Variants in HHAT observed in about 807,000 individuals in gnomAD.
HHAT encodes the protein protein-cysteine N-palmitoyltransferase HHAT.
HHAT carries 47 observed loss-of-function variants against 70.8 expected under a neutral mutation model. The ratio of observed to expected loss-of-function variants is 0.66; its 90% confidence interval spans 0.53 to 0.85. HHAT has a LOEUF of 0.85. Ranked by LOEUF, HHAT falls within the 40% of genes least tolerant of loss-of-function variation. The pLI, the probability that HHAT is intolerant of heterozygous loss-of-function variation, is 0.00. For missense variants in HHAT, 609 were observed against 604.8 expected (o/e 1.01, Z -0.07); for synonymous variants, 228 against 247.6 (o/e 0.92, Z 0.74).
chr1:210,489,607 C>T (rs2094521557), intron 8 of HHAT, among the ~76,000 whole-genome samples: 1 of 152,176 alleles, frequency 6.6e-6, no homozygotes, highest in Non-Finnish European at 1.5e-5. Context: ...GTCATGTTCT[C>T]TTCCTATTCT....
At chr1:210,473,433 T>A (rs901051017) in intron 8 of HHAT, among the ~76,000 whole-genome samples, 6 of 151,742 alleles carry the variant, frequency 4.0e-5, no homozygotes, top group Non-Finnish European at 8.8e-5. Context: ...AGAGGAGGGG[T>A]CCATTCAGTT....
At chr1:210,617,995 G>A (rs73063627) in intron 10 of HHAT, among the ~76,000 whole-genome samples, 25 of 152,314 alleles carry the variant, frequency 1.6e-4, no homozygotes, top group African/African-American at 5.8e-4. Context: ...GCTAATCATT[G>A]AGCACACATA....
chr1:210,349,192 C>A, intron 2 of HHAT, 126 bp downstream of exon 2: 1 of 1,003,592 alleles, frequency 1.0e-6, no homozygotes, highest in Admixed American at 2.6e-5. Context: ...TGATTTGCTT[C>A]CCCATGTCTT....
intron 7 of HHAT, among the ~76,000 whole-genome samples, chr1:210,440,602 TC>T (rs1301599517): frequency 2.0e-5 from 3 of 151,842 alleles, no homozygotes; most frequent in African/African-American, 7.3e-5. Flanking sequence ...GGGCAGTGCA[TC>T]CTAGTATTCC....
intron 8 of HHAT, among the ~76,000 whole-genome samples, chr1:210,501,792 C>T (rs1572876723): frequency 6.6e-6 from 1 of 152,156 alleles, no homozygotes. Flanking sequence ...CAGGCCAGTG[C>T]TTAGAAGGAA....
At chr1:210,410,057 A>T (rs1558459899) in intron 6 of HHAT, among the ~76,000 whole-genome samples, 1 of 145,732 alleles carries the variant, frequency 6.9e-6, no homozygotes, top group Admixed American at 6.9e-5. Flanking sequence ...CAAATTTTGG[A>T]TTTTTTTTTT....
At chr1:210,535,764 G>A (rs1423232585) in intron 9 of HHAT, among the ~76,000 whole-genome samples, 1 of 152,050 alleles carries the variant, frequency 6.6e-6, no homozygotes, top group African/African-American at 2.4e-5. Context: ...TTTGGAGGTG[G>A]GGAAGACTCT....
chr1:210,457,669 TG>T (rs1305940580), intron 7 of HHAT, among the ~76,000 whole-genome samples: 6 of 152,312 alleles, frequency 3.9e-5, no homozygotes, highest in African/African-American at 9.6e-5. Flanking sequence ...TGGCAAACGC[TG>T]GCACAAGACA....
chr1:210,349,232 T>C (rs1046087452), intron 2 of HHAT, among the ~76,000 whole-genome samples, 166 bp downstream of exon 2: 6 of 152,308 alleles, frequency 3.9e-5, no homozygotes, highest in South Asian at 2.1e-4. Flanking sequence ...CCTGAGTCCA[T>C]TGAGTTTTCT....
At chr1:210,568,815 A>G (rs752225453) in intron 9 of HHAT, among the ~76,000 whole-genome samples, 2 of 152,154 alleles carry the variant, frequency 1.3e-5, no homozygotes, top group African/African-American at 2.4e-5. Context: ...AGCATGAATC[A>G]GCTTTATTTT....
chr1:210,393,308 C>G (rs568644418), intron 4 of HHAT, among the ~76,000 whole-genome samples: 1 of 152,270 alleles, frequency 6.6e-6, no homozygotes, highest in South Asian at 2.1e-4. Flanking sequence ...TCTTGAGATT[C>G]CAAAATCCTC....
At chr1:210,629,082 A>T (rs747880073) in intron 11 of HHAT, among the ~76,000 whole-genome samples, 1 of 152,212 alleles carries the variant, frequency 6.6e-6, no homozygotes, top group Non-Finnish European at 1.5e-5. Flanking sequence ...CCTGTGCATC[A>T]TACCTAAGGG....
chr1:210,329,128 G>A, intron 1 of HHAT, 24 bp downstream of exon 1: 3 of 1,324,162 alleles, frequency 2.3e-6, no homozygotes, highest in Non-Finnish European at 2.9e-6. Flanking sequence ...GACCATAGGG[G>A]GTCCTGGGGA....
At chr1:210,620,428 T>C (rs1399419536) in intron 10 of HHAT, among the ~76,000 whole-genome samples, 1 of 152,298 alleles carries the variant, frequency 6.6e-6, no homozygotes, top group Non-Finnish European at 1.5e-5. Context: ...TCCCCTTTGC[T>C]GTTAGTTATT....
At chr1:210,337,884 G>A (rs550117318) in intron 1 of HHAT, among the ~76,000 whole-genome samples, 1 of 152,306 alleles carries the variant, frequency 6.6e-6, no homozygotes, top group East Asian at 1.9e-4. Flanking sequence ...ACACTTCCTG[G>A]TTGTCAGTAG....
chr1:210,518,603 G>A (rs895549633), intron 9 of HHAT, among the ~76,000 whole-genome samples: 1 of 152,178 alleles, frequency 6.6e-6, no homozygotes, highest in African/African-American at 2.4e-5. Flanking sequence ...GACCAGCCTG[G>A]CCAACATGGC....
At chr1:210,377,668 C>A (rs775460970) in intron 3 of HHAT, among the ~76,000 whole-genome samples, 23 of 152,212 alleles carry the variant, frequency 1.5e-4, no homozygotes, top group Non-Finnish European at 2.5e-4. Context: ...AAATAACTTA[C>A]CCATGTTAAT....
chr1:210,402,384 G>GT (rs2092120990), intron 5 of HHAT, among the ~76,000 whole-genome samples: 3 of 152,162 alleles, frequency 2.0e-5, no homozygotes, highest in South Asian at 4.1e-4. Context: ...GGCAGGAGCT[G>GT]TTTTTTTGAG....
At chr1:210,519,765 C>T (rs950965371) in intron 9 of HHAT, among the ~76,000 whole-genome samples, 5 of 150,550 alleles carry the variant, frequency 3.3e-5, no homozygotes, top group African/African-American at 4.9e-5. Context: ...TGAGCTCAAG[C>T]GATTCTCCTG....
Sources: gnomAD v4.1 joint callset for allele counts (sites outside exome capture counted in the v4.1 genomes callset) on GRCh38, gnomAD v4.1.1 for gene constraint, MANE v1.5 for transcripts, NCBI Gene and HGNC (gene_info 2026-07-23, HGNC 2026-07-21) for gene names.